Variants in ERG observed in about 807,000 individuals in gnomAD.
ERG encodes the protein transcriptional regulator ERG.
ERG carries 9 observed loss-of-function variants against 55.3 expected under a neutral mutation model. The ratio of observed to expected loss-of-function variants is 0.16; its 90% CI spans 0.10 to 0.28. ERG has a LOEUF of 0.28. ERG is among the 10% of genes least tolerant of loss of function. ERG has a pLI of 1.00. For missense variants in ERG, 434 were observed against 631.6 expected (o/e 0.69, Z 3.35); for synonymous variants, 223 against 237.3 (o/e 0.94, Z 0.55).
At chr21:38,507,590 G>C (rs537783283) in intron 2 of ERG, among the ~76,000 whole-genome samples, 18 of 152,210 alleles carry the variant, frequency 1.2e-4, no homozygotes, top group African/African-American at 3.6e-4. Flanking sequence ...GGAGTATCAG[G>C]GGAGAGCAAT....
intron 6 of ERG, chr21:38,395,509 T>C (rs918843747): frequency 9.7e-6 from 2 of 206,592 alleles, no homozygotes; most frequent in Admixed American, 5.9e-5. Flanking sequence ...TGAACTCATA[T>C]GCTTGGCAGA....
Position 38,498,445 on chromosome 21 carries a change from A to C in ERG, c.-65T>G. On this transcript the variant is annotated 5_prime_UTR_variant, in exon 1 of 10. Coordinates refer to ENST00000288319, the MANE Select transcript of ERG (RefSeq NM_182918.4). The surrounding 1 kb of genome is among the most constrained non-coding windows in gnomAD (Gnocchi z 4.6). Reference sequence around the variant, plus strand: ...ATAATTATTGCTTCTCTCTGACCAGAAAGTAGTTTTGATGAGGTTGTTTAG... The same window carrying C: ...ATAATTATTGCTTCTCTCTGACCAGCAAGTAGTTTTGATGAGGTTGTTTAG... 1.9e-6 allele frequency: 3 copies of C among 1,592,210 alleles called. No homozygotes were observed. Among genetic ancestry groups the C allele is most frequent in the Non-Finnish European group, 2.6e-6 (3 of 1,170,926 alleles).
At chr21:38,618,045 T>C in intron 1 of ERG, among the ~76,000 whole-genome samples, 1 of 152,158 alleles carries the variant, frequency 6.6e-6, no homozygotes, top group East Asian at 1.9e-4. Flanking sequence ...TGTCATGGAG[T>C]ACCATTTACA....
chr21:38,491,769 C>A (rs1284980460), intron 1 of ERG, among the ~76,000 whole-genome samples: 5 of 152,118 alleles, frequency 3.3e-5, no homozygotes, highest in Non-Finnish European at 5.9e-5. Flanking sequence ...AAGACGAGTG[C>A]AAGGAAGTTG....
chr21:38,403,007 A>T (rs1052416641), intron 4 of ERG, among the ~76,000 whole-genome samples: 5 of 152,234 alleles, frequency 3.3e-5, no homozygotes, highest in Admixed American at 3.3e-4. Flanking sequence ...CCAACATGCC[A>T]TCCCTTTCTG....
intron 2 of ERG, among the ~76,000 whole-genome samples, chr21:38,573,759 G>A (rs1050444740): frequency 1.3e-5 from 2 of 152,172 alleles, no homozygotes; most frequent in Admixed American, 6.5e-5. Flanking sequence ...TATGCTGAGC[G>A]CCGGTCCCCT....
chr21:38,552,059 C>T (rs1201890473), intron 2 of ERG, among the ~76,000 whole-genome samples: 5 of 152,134 alleles, frequency 3.3e-5, no homozygotes, highest in Non-Finnish European at 7.4e-5. Flanking sequence ...ACAGTTAAGT[C>T]TTCTTGTTGA....
At chr21:38,423,037 G>A (rs967784863) in intron 3 of ERG, among the ~76,000 whole-genome samples, 40 of 151,904 alleles carry the variant, frequency 2.6e-4, no homozygotes, top group African/African-American at 9.4e-4. Flanking sequence ...AAGCAAGGCT[G>A]CATGTTTGCC....
At chr21:38,424,181 GCTC>G (rs1555896857) in intron 2 of ERG, among the ~76,000 whole-genome samples, 5 of 88,078 alleles carry the variant, frequency 5.7e-5, no homozygotes, top group Admixed American at 1.2e-4. Flanking sequence ...AGAGACCAGA[GCTC>G]GAGCTCTCTC....
In ERG at chr21:38,380,067, C is replaced by G; in HGVS notation, c.*3336G>C. 9.8e-7 allele frequency: 1 copy of G among 1,016,522 alleles called. No homozygotes were observed. The highest frequency in any genetic ancestry group is 1.2e-6 in the Non-Finnish European group (1 of 847,964). The allele number at this position is 1,016,522 out of a possible 1,614,324, so 63.0% of individuals were successfully genotyped here. A position where few individuals can be genotyped will look rare whatever the true frequency, so the allele number is the denominator to read the frequency against. ...AGTAGTCCAAAGTAATTTTTATTCT[C>G]TAATTAGTCACCTCACGACTTTATT... On this transcript the variant is annotated 3_prime_UTR_variant, in exon 10 of 10. Transcript: ENST00000288319.
intron 1 of ERG, chr21:38,471,659 G>A (rs2059140257): frequency 6.6e-6 from 1 of 152,090 alleles, no homozygotes; most frequent in African/African-American, 2.4e-5. Flanking sequence ...TTCTACAAGG[G>A]AGAAAATGTA....
intron 1 of ERG, among the ~76,000 whole-genome samples, chr21:38,467,937 A>G (rs1312321424): frequency 6.6e-6 from 1 of 152,218 alleles, no homozygotes; most frequent in South Asian, 2.1e-4. Flanking sequence ...ATGGCCATGC[A>G]TGCTGTAGCC....
intron 2 of ERG, among the ~76,000 whole-genome samples, chr21:38,522,936 T>C (rs2059605051): frequency 6.6e-6 from 1 of 152,204 alleles, no homozygotes; most frequent in African/African-American, 2.4e-5. Flanking sequence ...GTATAAGCTG[T>C]ACGAAATTAT....
chr21:38,612,161 C>T (rs1403110988), intron 1 of ERG, among the ~76,000 whole-genome samples: 4 of 152,166 alleles, frequency 2.6e-5, no homozygotes, highest in African/African-American at 7.2e-5. Flanking sequence ...CTGAATGTGA[C>T]GCGTTCCAGT....
chr21:38,446,561 G>A (rs1167256694), intron 1 of ERG, among the ~76,000 whole-genome samples: 1 of 152,046 alleles, frequency 6.6e-6, no homozygotes. Flanking sequence ...TCCAATTTTG[G>A]TTCTTATAAC....
intron 1 of ERG, among the ~76,000 whole-genome samples, chr21:38,634,622 G>GA (rs1264855569): frequency 6.6e-6 from 1 of 152,176 alleles, no homozygotes; most frequent in Non-Finnish European, 1.5e-5. Flanking sequence ...AGAATGCTAA[G>GA]AAAATCTTCA....
chr21:38,660,857 G>A (rs910637813), intron 1 of ERG, among the ~76,000 whole-genome samples: 2 of 151,862 alleles, frequency 1.3e-5, no homozygotes, highest in African/African-American at 2.4e-5. Context: ...GAGTGCGCGC[G>A]TGTCCGTGTG....
chr21:38,511,621 TAATC>T (rs1233670133), intron 2 of ERG, among the ~76,000 whole-genome samples: 5 of 152,216 alleles, frequency 3.3e-5, no homozygotes, highest in Non-Finnish European at 7.3e-5. Context: ...TAATACTTTC[TAATC>T]AATCAATTTT....
At position 38,402,547 on chromosome 21, in the gene ERG, C is replaced by T. The variant is rs1003464039; in HGVS notation, c.673+10G>A. ...CTCTTGCTGGGAGGCAGGGGCGGGG[C>T]CAGCATTACCTGTGTTTCTAGCATG... On this transcript the variant is annotated intron_variant, in intron 5 of 9. Coordinates refer to ENST00000288319, the MANE Select transcript of ERG (RefSeq NM_182918.4). 2 of 1,607,420 alleles carry T rather than the reference C, an allele frequency of 1.2e-6. No homozygotes were observed. The highest frequency in any genetic ancestry group is 1.3e-5 in the African/African-American group (1 of 74,548).
Sources: allele counts gnomAD v4.1 joint callset (sites outside exome capture counted in the v4.1 genomes callset), GRCh38; gene constraint gnomAD v4.1.1; non-coding constraint Gnocchi (gnomAD v3.1); transcripts MANE v1.5; gene names NCBI Gene and HGNC (gene_info 2026-07-23, HGNC 2026-07-21).